The following SYNDIG1 variants were observed in gnomAD, a reference collection of about 807,000 sequenced individuals.
SYNDIG1 encodes synapse differentiation-inducing gene protein 1.
A neutral mutation model predicts 19.4 loss-of-function variants in SYNDIG1; 9 were observed. The ratio of observed to expected loss-of-function variants is 0.46; its 90% CI spans 0.28 to 0.81. SYNDIG1 has a LOEUF of 0.81. Among genes scored for constraint, SYNDIG1 ranks in the 30% least tolerant of loss-of-function variants. The pLI is 0.12. For missense variants in SYNDIG1, 311 were observed against 343.3 expected (o/e 0.91, Z 0.74); for synonymous variants, 141 against 145.9 (o/e 0.97, Z 0.24).
Position 24,640,487 on chromosome 20 carries a change from A to T in SYNDIG1, c.619-24859A>T, listed in dbSNP as rs2059364275. Reference sequence around the variant, plus strand: ...GAGGGAGGGAAAGAAGGAAGGAAGGAAGGAAGGAAGGAAGGAAGGAAGGAA... The same window carrying T: ...GAGGGAGGGAAAGAAGGAAGGAAGGTAGGAAGGAAGGAAGGAAGGAAGGAA... On this transcript the variant is annotated intron_variant, in intron 3 of 3. Transcript: ENST00000376862. 2.5e-5 allele frequency among the ~76,000 whole-genome samples: 3 copies of T among 119,230 alleles called. No individual in the cohort carries two copies. The Admixed American group carries it at 2.8e-4, about 11-fold the overall frequency. The allele number at this position is 119,230 out of a possible 152,430, so 78.2% of individuals were successfully genotyped here. A position where few individuals can be genotyped will look rare whatever the true frequency, so the allele number is the denominator to read the frequency against.
intron 3 of SYNDIG1, among the ~76,000 whole-genome samples, chr20:24,591,643 T>G (rs1424065742): frequency 6.6e-6 from 1 of 151,944 alleles, no homozygotes; most frequent in East Asian, 1.9e-4. Context: ...GGAAGGAGAA[T>G]GGGGGGACAG....
At chr20:24,617,130 G>T (rs1887250711) in intron 3 of SYNDIG1, among the ~76,000 whole-genome samples, 1 of 152,156 alleles carries the variant, frequency 6.6e-6, no homozygotes, top group South Asian at 2.1e-4. Flanking sequence ...TGTGATAGGT[G>T]GGCCGAGAAG....
chr20:24,608,785 T>C (rs1271177445), intron 3 of SYNDIG1, among the ~76,000 whole-genome samples: 1 of 152,040 alleles, frequency 6.6e-6, no homozygotes, highest in Non-Finnish European at 1.5e-5. Context: ...GTAGTGTAGA[T>C]GGAGAGAATC....
At chr20:24,499,272 G>T (rs768598178) in intron 1 of SYNDIG1, among the ~76,000 whole-genome samples, 2 of 152,174 alleles carry the variant, frequency 1.3e-5, no homozygotes, top group African/African-American at 4.8e-5. Flanking sequence ...TGATCCAACC[G>T]CCTCAGCCTC....
At chr20:24,662,711 A>C (rs2059614973) in intron 3 of SYNDIG1, among the ~76,000 whole-genome samples, 1 of 152,242 alleles carries the variant, frequency 6.6e-6, no homozygotes, top group South Asian at 2.1e-4. Context: ...TTCGCCAGTC[A>C]CCTGCACTTT....
At chr20:24,473,641 A>G (rs2055534775) in intron 1 of SYNDIG1, among the ~76,000 whole-genome samples, 1 of 152,146 alleles carries the variant, frequency 6.6e-6, no homozygotes, top group African/African-American at 2.4e-5. Flanking sequence ...ACAGGCGTGC[A>G]GAGTGTCTCC....
intron 1 of SYNDIG1, among the ~76,000 whole-genome samples, chr20:24,472,063 A>T (rs530493308): frequency 2.2e-4 from 33 of 152,372 alleles, no homozygotes; most frequent in African/African-American, 7.7e-4. Flanking sequence ...AGCTGATGAC[A>T]TTTCATTTTA....
At chr20:24,503,189 C>T (rs1435088295) in intron 1 of SYNDIG1, among the ~76,000 whole-genome samples, 4 of 152,180 alleles carry the variant, frequency 2.6e-5, no homozygotes, top group Non-Finnish European at 4.4e-5. Context: ...GGAAGGCAGG[C>T]GTCCCCTGCC....
chr20:24,501,345 C>T (rs1330287719), intron 1 of SYNDIG1, among the ~76,000 whole-genome samples: 4 of 152,188 alleles, frequency 2.6e-5, no homozygotes, highest in Non-Finnish European at 4.4e-5. Context: ...GCAGTAGCCC[C>T]GGATGACAGC....
intron 1 of SYNDIG1, among the ~76,000 whole-genome samples, chr20:24,542,333 A>C (rs1374231247): frequency 6.6e-6 from 1 of 152,208 alleles, no homozygotes; most frequent in African/African-American, 2.4e-5. Flanking sequence ...CTCAGCTTTA[A>C]TGTGCAGACT....
intron 3 of SYNDIG1, among the ~76,000 whole-genome samples, chr20:24,590,274 C>T (rs1267686994): frequency 3.6e-5 from 5 of 137,352 alleles, no homozygotes; most frequent in African/African-American, 1.4e-4. Flanking sequence ...CAGGTGGGGC[C>T]GGCGCGGCGG....
chr20:24,523,224 C>T (rs2057044691), intron 1 of SYNDIG1, among the ~76,000 whole-genome samples: 1 of 152,198 alleles, frequency 6.6e-6, no homozygotes, highest in African/African-American at 2.4e-5. Context: ...GTTTTTGATG[C>T]CTCAGTTTCC....
intron 3 of SYNDIG1, among the ~76,000 whole-genome samples, chr20:24,659,657 GAA>G (rs987578348): frequency 1.3e-5 from 2 of 152,318 alleles, no homozygotes; most frequent in African/African-American, 4.8e-5. Context: ...CAACCAGAGA[GAA>G]GGCAAAATCA....
At chr20:24,550,053 G>A (rs2057674988) in intron 2 of SYNDIG1, among the ~76,000 whole-genome samples, 1 of 152,148 alleles carries the variant, frequency 6.6e-6, no homozygotes, top group South Asian at 2.1e-4. Flanking sequence ...AGGCATGCGG[G>A]CCAAAATACA....
At chr20:24,496,169 G>T (rs2056300266) in intron 1 of SYNDIG1, among the ~76,000 whole-genome samples, 1 of 152,130 alleles carries the variant, frequency 6.6e-6, no homozygotes, top group African/African-American at 2.4e-5. Flanking sequence ...AAAAACTGGG[G>T]TTGACTGCAT....
chr20:24,470,574 TC>T (rs2055404408), intron 1 of SYNDIG1, among the ~76,000 whole-genome samples: 1 of 144,244 alleles, frequency 6.9e-6, no homozygotes, highest in African/African-American at 2.9e-5. Flanking sequence ...TCATGTGCAC[TC>T]TCTGGGCAGT....
chr20:24,531,614 AC>A (rs2057261484), intron 1 of SYNDIG1, among the ~76,000 whole-genome samples: 1 of 132,840 alleles, frequency 7.5e-6, no homozygotes, highest in South Asian at 2.6e-4. Context: ...CATCTATTAA[AC>A]ATTAGAGACA....
chr20:24,597,045 C>T (rs6114791), intron 3 of SYNDIG1: 20,749 of 152,108 alleles, frequency 0.14, 1,609 homozygotes, highest in African/African-American at 0.2. Flanking sequence ...CCTGGGTGTG[C>T]GGAAGGCCGT....
intron 3 of SYNDIG1, among the ~76,000 whole-genome samples, chr20:24,607,009 C>A (rs1218929564): frequency 1.3e-5 from 2 of 152,204 alleles, no homozygotes; most frequent in Non-Finnish European, 2.9e-5. Flanking sequence ...GGACCTCTTT[C>A]TTTCCACTCA....
Sources: allele counts gnomAD v4.1 joint callset (sites outside exome capture counted in the v4.1 genomes callset), GRCh38; gene constraint gnomAD v4.1.1; transcripts MANE v1.5; gene names NCBI Gene and HGNC (gene_info 2026-07-23, HGNC 2026-07-21).